Variants in CRADD observed in about 807,000 individuals in gnomAD.
CRADD encodes death domain-containing protein CRADD.
Under a neutral mutation model 15.5 loss-of-function variants are expected in CRADD, and 9 were observed. The ratio of observed to expected loss-of-function variants is 0.58; its 90% CI spans 0.35 to 1.01. The LOEUF (loss-of-function observed/expected upper bound fraction) is 1.01, where lower values mean the gene tolerates loss of function less well. Among genes scored for constraint, CRADD ranks in the 50% least tolerant of loss-of-function variants. CRADD has a pLI of 0.02. For missense variants in CRADD, 227 were observed against 250.3 expected (o/e 0.91, Z 0.63); for synonymous variants, 118 against 107.6 (o/e 1.10, Z -0.60).
intron 2 of CRADD, among the ~76,000 whole-genome samples, chr12:93,720,376 G>C (rs1411349086): frequency 6.6e-6 from 1 of 152,190 alleles, no homozygotes; most frequent in East Asian, 1.9e-4. Context: ...TAGTCCACAT[G>C]AGCTTGAGAA....
intron 2 of CRADD, among the ~76,000 whole-genome samples, chr12:93,682,727 T>C (rs1955343990): frequency 6.6e-6 from 1 of 151,968 alleles, no homozygotes; most frequent in Admixed American, 6.6e-5. Flanking sequence ...GCCACCCCCA[T>C]CAAATCTCAA....
intron 2 of CRADD, among the ~76,000 whole-genome samples, chr12:93,800,335 C>T (rs1743360386): frequency 3.3e-5 from 5 of 152,086 alleles, no homozygotes; most frequent in Admixed American, 3.3e-4. Context: ...GAAAATTCAC[C>T]CTTCCTTGCT....
At chr12:93,736,875 C>G (rs1412880813) in intron 2 of CRADD, among the ~76,000 whole-genome samples, 1 of 152,198 alleles carries the variant, frequency 6.6e-6, no homozygotes, top group Non-Finnish European at 1.5e-5. Context: ...GTTTAGTTCT[C>G]TTTTATAGAA....
chr12:93,805,152 G>A (rs1957522444), intron 2 of CRADD, among the ~76,000 whole-genome samples: 1 of 151,942 alleles, frequency 6.6e-6, no homozygotes, highest in Non-Finnish European at 1.5e-5. Flanking sequence ...GGGTTATAAA[G>A]CAATTCTGAA....
chr12:93,833,272 G>A (rs1957930867), intron 2 of CRADD, among the ~76,000 whole-genome samples: 1 of 152,200 alleles, frequency 6.6e-6, no homozygotes, highest in Admixed American at 6.5e-5. Context: ...CAGATGGGAA[G>A]ATAGATGGAT....
intron 2 of CRADD, among the ~76,000 whole-genome samples, chr12:93,739,589 T>C (rs1006798065): frequency 1.3e-5 from 2 of 152,018 alleles, no homozygotes; most frequent in Admixed American, 6.5e-5. Context: ...TAGTGGTTTC[T>C]ATTATTTTGG....
Position 93,719,865 on chromosome 12 carries a change from T to C in CRADD, c.298+40793T>C, listed in dbSNP as rs935260926. On this transcript the variant is annotated intron_variant, in intron 2 of 2. Transcript: ENST00000332896. Reference sequence around the variant, plus strand: ...CCTGTCTAGATGCTTACTGATTTCATCTATCTTTTCAAAGAGCAAACATTG... The same window carrying C: ...CCTGTCTAGATGCTTACTGATTTCACCTATCTTTTCAAAGAGCAAACATTG... Among the ~76,000 whole-genome samples the C allele has an allele frequency of 5.3e-5, 8 of 152,282 alleles. No homozygotes were observed. The East Asian group carries it at 1.2e-3, about 22-fold the overall frequency.
intron 2 of CRADD, among the ~76,000 whole-genome samples, chr12:93,803,554 G>A (rs966546591): frequency 6.6e-6 from 1 of 152,128 alleles, no homozygotes; most frequent in Non-Finnish European, 1.5e-5. Context: ...AAAAAAAACT[G>A]TGAGTGCCCT....
rs1956896387 is a variant in CRADD at position 93,756,866 on chromosome 12, T to G, written c.298+77794T>G. 2.0e-5 allele frequency among the ~76,000 whole-genome samples: 3 copies of G among 152,188 alleles called. No homozygotes were observed. In the South Asian group the frequency reaches 6.2e-4, roughly 32 times the overall value. ...GCCTTCATCCACACTGGAAGGTATC[T>G]CTCATTCTCCTGGCACACCTACAGG... On this transcript the variant is annotated intron_variant, in intron 2 of 2. Transcript: ENST00000332896.
chr12:93,824,149 G>A lies in CRADD; in HGVS notation c.299-25821G>A, dbSNP rs1406001128. On this transcript the variant is annotated intron_variant, in intron 2 of 2. Coordinates refer to ENST00000332896, the MANE Select transcript of CRADD (RefSeq NM_003805.5). The surrounding 1 kb of genome is among the most constrained non-coding windows in gnomAD (Gnocchi z 4.3). The stretch of plus-strand genomic sequence containing the variant: ...TGGAAACTCTCCTTTGAGTCTGTGA[G>A]TTTTGGTGTAAGCTCAGTGGCAATG... 6.6e-6 allele frequency among the ~76,000 whole-genome samples: 1 copy of A among 152,154 alleles called. No homozygotes were observed. The highest frequency in any genetic ancestry group is 2.4e-5 in the African/African-American group (1 of 41,438).
chr12:93,742,379 C>T (rs1046122563), intron 2 of CRADD, among the ~76,000 whole-genome samples: 3 of 151,254 alleles, frequency 2.0e-5, no homozygotes. Context: ...CAGCGCTTGG[C>T]CGGGCACCCG....
intron 2 of CRADD, among the ~76,000 whole-genome samples, chr12:93,771,977 T>C (rs961348598): frequency 6.6e-6 from 1 of 152,166 alleles, no homozygotes; most frequent in African/African-American, 2.4e-5. Flanking sequence ...CCAACAAATA[T>C]AGTGTAAGTG....
At chr12:93,782,297 A>T (rs886626050) in intron 2 of CRADD, among the ~76,000 whole-genome samples, 1 of 144,530 alleles carries the variant, frequency 6.9e-6, no homozygotes, top group South Asian at 2.4e-4. Flanking sequence ...AACAATGAGA[A>T]CACATGGACA....
intron 2 of CRADD, among the ~76,000 whole-genome samples, chr12:93,733,077 G>A (rs144027385): frequency 1.2e-3 from 180 of 152,304 alleles, no homozygotes; most frequent in African/African-American, 4.2e-3. Context: ...AGGATTTGAA[G>A]TGATATAGGC....
intron 2 of CRADD, among the ~76,000 whole-genome samples, chr12:93,736,418 A>G (rs977594683): frequency 2.0e-5 from 3 of 152,128 alleles, no homozygotes; most frequent in African/African-American, 7.2e-5. Flanking sequence ...ACCATCATTT[A>G]TGTTTTTCCC....
chr12:93,894,544 G>A (rs531785608), exon 3 of CRADD: 36 of 177,296 alleles, frequency 2.0e-4, no homozygotes, highest in African/African-American at 8.4e-4. Context: ...ATGCCCTTTG[G>A]CAGTGGCCAA....
chr12:93,785,793 A>C (rs1957272149), intron 2 of CRADD, among the ~76,000 whole-genome samples: 1 of 152,208 alleles, frequency 6.6e-6, no homozygotes, highest in Non-Finnish European at 1.5e-5. Context: ...CAGAGCAGAC[A>C]AGAATAAGGA....
intron 2 of CRADD, among the ~76,000 whole-genome samples, chr12:93,765,696 T>C (rs1243293616): frequency 6.6e-6 from 1 of 152,208 alleles, no homozygotes; most frequent in Non-Finnish European, 1.5e-5. Context: ...CTGAGCACGA[T>C]AGGCTATTTC....
chr12:93,784,911 T>G (rs1265898295), intron 2 of CRADD, among the ~76,000 whole-genome samples: 2 of 152,230 alleles, frequency 1.3e-5, no homozygotes, highest in Non-Finnish European at 2.9e-5. Flanking sequence ...AAGAGCTGTC[T>G]GTTCTTCATT....
Sources: allele counts gnomAD v4.1 joint callset (sites outside exome capture counted in the v4.1 genomes callset), GRCh38; gene constraint gnomAD v4.1.1; non-coding constraint Gnocchi (gnomAD v3.1); transcripts MANE v1.5; gene names NCBI Gene and HGNC (gene_info 2026-07-23, HGNC 2026-07-21).